Variants in ARPC2 observed in about 807,000 individuals in gnomAD.
ARPC2 encodes actin-related protein 2/3 complex subunit 2.
A neutral mutation model predicts 38.6 loss-of-function variants in ARPC2; 4 were observed. The ratio of observed to expected loss-of-function variants is 0.10; its 90% CI spans 0.05 to 0.24. The LOEUF (loss-of-function observed/expected upper bound fraction) is 0.24, where lower values mean the gene tolerates loss of function less well. ARPC2 is among the 10% of genes least tolerant of loss of function. The probability of loss-of-function intolerance (pLI) is 1.00; values close to 1 mark genes in which losing one functional copy is unlikely to be tolerated. For synonymous variants in ARPC2, 125 were observed against 140.8 expected (o/e 0.89, Z 0.79); for missense variants, 229 against 387.3 (o/e 0.59, Z 3.43).
chr2:218,243,881 T>C (rs935682604), intron 7 of ARPC2, among the ~76,000 whole-genome samples: 1 of 152,254 alleles, frequency 6.6e-6, no homozygotes, highest in African/African-American at 2.4e-5. Context: ...AAGTCACCAC[T>C]GGTTTATAAA....
chr2:218,245,863 C>T (rs1690018472), intron 8 of ARPC2, among the ~76,000 whole-genome samples: 1 of 152,096 alleles, frequency 6.6e-6, no homozygotes, highest in Non-Finnish European at 1.5e-5. Flanking sequence ...AGGACTATAG[C>T]TACTTCCTCA....
intron 8 of ARPC2, 44 bp from the exon 9 acceptor site, chr2:218,249,320 T>G (rs1300931337): frequency 7.0e-7 from 1 of 1,422,982 alleles, no homozygotes; most frequent in Admixed American, 1.8e-5. Context: ...CCCTTTGGCA[T>G]TTGTGTCGTG....
intron 7 of ARPC2, 52 bp from the exon 8 acceptor site, chr2:218,245,368 C>T (rs1690006791): frequency 6.2e-7 from 1 of 1,610,688 alleles, no homozygotes; most frequent in East Asian, 2.2e-5. Context: ...CTTGAGTTGC[C>T]ACTCATCTTA....
At chr2:218,251,242 G>A (rs995773759) in intron 10 of ARPC2, among the ~76,000 whole-genome samples, 3 of 151,524 alleles carry the variant, frequency 2.0e-5, no homozygotes, top group South Asian at 2.1e-4. Context: ...ACAGAGTTTC[G>A]CTCTTGAAGC....
intron 4 of ARPC2, among the ~76,000 whole-genome samples, chr2:218,229,663 G>A (rs1393171124): frequency 2.0e-5 from 3 of 152,162 alleles, no homozygotes; most frequent in African/African-American, 7.2e-5. Flanking sequence ...AAGATGATTT[G>A]TAAAGGAATA....
At chr2:218,249,615 C>A in intron 9 of ARPC2, 151 bp downstream of exon 9, 1 of 757,156 alleles carries the variant, frequency 1.3e-6, no homozygotes. Flanking sequence ...GGTCTTTCTT[C>A]ATCAAGCCAC....
At position 218,234,372 on chromosome 2, in the gene ARPC2, G is replaced by A. The variant is rs1367227254; in HGVS notation, c.243G>A (p.Gly81=). Residue 81 remains glycine, a synonymous_variant, in exon 5 of 11, where the codon GGG becomes GGA. Transcript: ENST00000315717. Reference sequence around the variant, plus strand: ...TCTAGTTATTAAAGAGGGTGTACGGGAGTTTCTTGGTAAATCCAGAATCAG... The same window carrying A: ...TCTAGTTATTAAAGAGGGTGTACGGAAGTTTCTTGGTAAATCCAGAATCAG... ...GADELLKRVY[G]SFLVNPESGY... The A allele has an allele frequency of 6.2e-7, 1 of 1,607,330 alleles. No homozygotes were observed. The highest frequency in any genetic ancestry group is 2.2e-5 in the East Asian group (1 of 44,806).
intron 6 of ARPC2, 98 bp downstream of exon 6, chr2:218,238,948 T>C (rs1308894920): frequency 1.5e-5 from 15 of 998,126 alleles, no homozygotes; most frequent in Non-Finnish European, 2.2e-5. Flanking sequence ...TCAGCTGTAT[T>C]GCGTGAAAAT....
chr2:218,237,763 T>A (rs933687524), intron 5 of ARPC2, among the ~76,000 whole-genome samples: 1 of 151,890 alleles, frequency 6.6e-6, no homozygotes, highest in Non-Finnish European at 1.5e-5. Flanking sequence ...GACAGGGTTT[T>A]GCCATGTTGG....
chr2:218,229,758 T>G (rs1008147884), intron 4 of ARPC2, among the ~76,000 whole-genome samples: 1 of 152,226 alleles, frequency 6.6e-6, no homozygotes, highest in Admixed American at 6.5e-5. Context: ...CCTTAGTTAT[T>G]CAAATGCAAT....
chr2:218,227,455 A>G (rs897916251), intron 3 of ARPC2, among the ~76,000 whole-genome samples: 1 of 152,068 alleles, frequency 6.6e-6, no homozygotes, highest in Admixed American at 6.6e-5. Context: ...ACTGAGTCTC[A>G]CTCTGTCACC....
chr2:218,240,303 A>G (rs1280664271), intron 7 of ARPC2, among the ~76,000 whole-genome samples: 1 of 152,196 alleles, frequency 6.6e-6, no homozygotes, highest in Non-Finnish European at 1.5e-5. Flanking sequence ...ACTAAAGGGT[A>G]AGTTGAGAAT....
At chr2:218,244,006 C>T (rs900350443) in intron 7 of ARPC2, among the ~76,000 whole-genome samples, 1 of 152,118 alleles carries the variant, frequency 6.6e-6, no homozygotes, top group East Asian at 1.9e-4. Context: ...TTCCTTAATA[C>T]CGAAAAGTAA....
At chr2:218,236,623 T>C (rs1559479880) in intron 5 of ARPC2, 1 of 152,016 alleles carries the variant, frequency 6.6e-6, no homozygotes, top group Non-Finnish European at 1.5e-5. Context: ...AGAAACCCCG[T>C]CTCTACTAAA....
At chr2:218,244,803 G>A (rs1248523948) in intron 7 of ARPC2, among the ~76,000 whole-genome samples, 1 of 152,258 alleles carries the variant, frequency 6.6e-6, no homozygotes, top group Non-Finnish European at 1.5e-5. Context: ...AGGCCCACTT[G>A]ATGAATTTGG....
At chr2:218,229,025 C>T (rs1689571327) in intron 4 of ARPC2, 175 bp downstream of exon 4, 1 of 485,010 alleles carries the variant, frequency 2.1e-6, no homozygotes, top group African/African-American at 2.0e-5. Flanking sequence ...AAGGTTTTGA[C>T]TCTTGCTTGC....
intron 3 of ARPC2, among the ~76,000 whole-genome samples, chr2:218,227,966 G>GT (rs1689543257): frequency 6.6e-6 from 1 of 152,138 alleles, no homozygotes; most frequent in Non-Finnish European, 1.5e-5. Flanking sequence ...TCATGGTTAT[G>GT]TTTTTTAACA....
intron 2 of ARPC2, among the ~76,000 whole-genome samples, chr2:218,225,229 A>G (rs1574576772): frequency 6.6e-6 from 1 of 152,342 alleles, no homozygotes; most frequent in Middle Eastern, 3.4e-3. Context: ...TGAGAAAGCT[A>G]AAGTTGTAAA....
chr2:218,238,887 C>T (rs752884920), intron 6 of ARPC2, 37 bp downstream of exon 6: 27 of 1,480,908 alleles, frequency 1.8e-5, no homozygotes, highest in Non-Finnish European at 2.4e-5. Flanking sequence ...CTGGATATGG[C>T]TGCTACACCA....
Sources: gnomAD v4.1 joint callset for allele counts (sites outside exome capture counted in the v4.1 genomes callset) on GRCh38, gnomAD v4.1.1 for gene constraint, MANE v1.5 for transcripts, NCBI Gene and HGNC (gene_info 2026-07-23, HGNC 2026-07-21) for gene names.